The following GALK2 variants were observed in gnomAD, a reference collection of about 807,000 sequenced individuals.
The protein encoded by GALK2 is galactokinase 2, also known as N-acetylgalactosamine kinase.
A neutral mutation model predicts 52.4 loss-of-function variants in GALK2; 36 were observed. That is an observed-to-expected ratio of 0.69 (90% CI 0.53 to 0.91). The LOEUF is 0.91. Ranked by LOEUF, GALK2 falls within the 40% of genes least tolerant of loss-of-function variation. The probability of loss-of-function intolerance (pLI) is 0.00; values close to 1 mark genes in which losing one functional copy is unlikely to be tolerated. For missense variants in GALK2, 579 were observed against 559.1 expected (o/e 1.04, Z -0.36); for synonymous variants, 176 against 199.1 (o/e 0.88, Z 0.98).
intron 3 of GALK2, among the ~76,000 whole-genome samples, chr15:49,357,101 T>A (rs1456439516): frequency 2.0e-5 from 3 of 150,094 alleles, no homozygotes; most frequent in Non-Finnish European, 4.4e-5. Flanking sequence ...AGAGGGAAAT[T>A]TATAGCACTA....
intron 5 of GALK2, among the ~76,000 whole-genome samples, chr15:49,250,191 G>T (rs2091529546): frequency 6.6e-6 from 1 of 152,120 alleles, no homozygotes; most frequent in Non-Finnish European, 1.5e-5. Context: ...TGGCACCGGG[G>T]AACAAGCATT....
intron 3 of GALK2, among the ~76,000 whole-genome samples, chr15:49,221,686 TA>T (rs958070219): frequency 1.8e-4 from 26 of 148,210 alleles, no homozygotes; most frequent in East Asian, 3.9e-4. Flanking sequence ...ATAAAAAAAT[TA>T]AAAAAAAAAG....
chr15:49,286,278 A>C (rs2033342459), intron 7 of GALK2, among the ~76,000 whole-genome samples: 1 of 152,182 alleles, frequency 6.6e-6, no homozygotes. Flanking sequence ...AGCTGAAGAG[A>C]CACAGGATAA....
intron 8 of GALK2, among the ~76,000 whole-genome samples, chr15:49,313,336 A>T (rs1313446140): frequency 1.3e-5 from 2 of 152,226 alleles, no homozygotes; most frequent in East Asian, 3.8e-4. Flanking sequence ...GTAGCTGAGG[A>T]TGCTAAAGCC....
At chr15:49,303,870 T>C (rs1391318011) in intron 8 of GALK2, among the ~76,000 whole-genome samples, 2 of 152,264 alleles carry the variant, frequency 1.3e-5, no homozygotes, top group African/African-American at 4.8e-5. Flanking sequence ...AAGGAAAATG[T>C]ATAATTTCTA....
chr15:49,184,848 A>G (rs968677701), intron 1 of GALK2, among the ~76,000 whole-genome samples: 1 of 152,080 alleles, frequency 6.6e-6, no homozygotes, highest in Admixed American at 6.6e-5. Flanking sequence ...ATTATTTTAG[A>G]TGGGTTCATG....
chr15:49,212,060 T>G (rs1042956397), intron 2 of GALK2, among the ~76,000 whole-genome samples: 4 of 152,174 alleles, frequency 2.6e-5, no homozygotes, highest in Non-Finnish European at 5.9e-5. Context: ...AAAAATTATC[T>G]GACTTTATTT....
chr15:49,216,944 C>G (rs534134857), intron 2 of GALK2, among the ~76,000 whole-genome samples: 1 of 152,244 alleles, frequency 6.6e-6, no homozygotes, highest in South Asian at 2.1e-4. Flanking sequence ...AAACCAGGTA[C>G]TGTGATTTTC....
Position 49,331,478 on chromosome 15 carries a change from A to AACTT in GALK2, c.*3322_*3325dup, listed in dbSNP as rs1346811261. ...TGATTTTGTTGAATTATTAATGAAA[A>AACTT]ACTTACAATTTTAAACATCAGTGAT... On this transcript the variant is annotated 3_prime_UTR_variant, in exon 10 of 10. Transcript: ENST00000560031. The AACTT allele has an allele frequency of 6.8e-6, 2 of 294,318 alleles. No homozygotes were observed. The highest frequency in any genetic ancestry group is 6.2e-5 in the South Asian group (1 of 16,204). 18.2% of individuals were successfully genotyped at this position (294,318 alleles called of 1,614,324 possible).
rs1009620547 is a variant in GALK2 at position 49,340,422 on chromosome 15, C to A, written c.426+20617C>A. On this transcript the variant is annotated intron_variant, in intron 3 of 3. Transcript: ENST00000558399. ...TGCCCCGCCCCCCCCCTCCCCCCCC[C>A]GCTTTGCCTCGCCCTCCTTGGGCTG... is the stretch of plus-strand genomic sequence containing the variant. Among the ~76,000 whole-genome samples the A allele has an allele frequency of 3.5e-5, 5 of 143,390 alleles. No homozygotes were observed. In the East Asian group the frequency reaches 8.9e-4, roughly 25 times the overall value. The allele number at this position is 143,390 out of a possible 152,430, so 94.1% of individuals were successfully genotyped here.
intron 3 of GALK2, among the ~76,000 whole-genome samples, chr15:49,219,025 C>T (rs866154514): frequency 2.6e-5 from 4 of 152,244 alleles, no homozygotes; most frequent in South Asian, 4.1e-4. Flanking sequence ...TGGGATTTCA[C>T]CATGTTGACC....
intron 3 of GALK2, among the ~76,000 whole-genome samples, chr15:49,233,860 T>A (rs1234161628): frequency 1.3e-5 from 2 of 152,184 alleles, no homozygotes; most frequent in Admixed American, 6.5e-5. Flanking sequence ...AGTATTATTA[T>A]CACGTGCCAT....
intron 5 of GALK2, among the ~76,000 whole-genome samples, chr15:49,264,464 C>T (rs974406323): frequency 3.3e-5 from 5 of 152,176 alleles, no homozygotes; most frequent in Admixed American, 2.0e-4. Context: ...TCTAGTTATA[C>T]ATTCGTCTAA....
In GALK2 at chr15:49,201,252, T is replaced by C. The variant is rs576663139; in HGVS notation, c.142+2T>C. On this transcript the variant is annotated splice_donor_variant, in intron 2 of 9. Coordinates refer to ENST00000560031, the MANE Select transcript of GALK2 (RefSeq NM_002044.4). LOFTEE classifies it high-confidence loss of function. ...CACCAGGAAGAGTCAACATAATAGG[T>C]ATTTCAAAAGTTCCTTCTCTTAATT... 1.9e-6 allele frequency: 3 copies of C among 1,565,766 alleles called. No homozygotes were observed. Among genetic ancestry groups the C allele is most frequent in the African/African-American group, 2.7e-5 (2 of 74,052 alleles).
chr15:49,244,184 C>T (rs1414939755), intron 5 of GALK2, among the ~76,000 whole-genome samples: 4 of 151,976 alleles, frequency 2.6e-5, no homozygotes, highest in African/African-American at 7.2e-5. Flanking sequence ...TCAAGTGATC[C>T]TCCCTCATCA....
At chr15:49,289,376 A>G (rs2033704431) in intron 7 of GALK2, among the ~76,000 whole-genome samples, 1 of 152,222 alleles carries the variant, frequency 6.6e-6, no homozygotes, top group African/African-American at 2.4e-5. Context: ...AGAAGGCAGG[A>G]TGGACTAGAA....
At chr15:49,349,278 TTCA>T (rs780407236) in intron 3 of GALK2, among the ~76,000 whole-genome samples, 67 of 152,294 alleles carry the variant, frequency 4.4e-4, no homozygotes, top group Admixed American at 8.5e-4. Context: ...AACTCCTTTG[TTCA>T]TCAAGTTCTT....
rs1213041044 is a variant in GALK2 at position 49,328,945 on chromosome 15, C to G, written c.*786C>G. 1 of 1,121,708 alleles carries G rather than the reference C, an allele frequency of 8.9e-7. No homozygotes were observed. The highest frequency in any genetic ancestry group is 1.1e-6 in the Non-Finnish European group (1 of 911,320). 69.5% of individuals were successfully genotyped at this position (1,121,708 alleles called of 1,614,324 possible). On this transcript the variant is annotated 3_prime_UTR_variant, in exon 10 of 10. Transcript: ENST00000560031. ...AAAAACACTTTAAGACTCTTCTATT[C>G]ACATTGAAATAAAGAATTATCTAGA...
chr15:49,196,698 C>A (rs2087265071), intron 1 of GALK2, among the ~76,000 whole-genome samples: 1 of 152,130 alleles, frequency 6.6e-6, no homozygotes, highest in Admixed American at 6.6e-5. Flanking sequence ...GTCTTATAAT[C>A]TCTTATTATT....
Sources: gnomAD v4.1 joint callset for allele counts (sites outside exome capture counted in the v4.1 genomes callset) on GRCh38, gnomAD v4.1.1 for gene constraint, MANE v1.5 for transcripts, NCBI Gene and HGNC (gene_info 2026-07-23, HGNC 2026-07-21) for gene names.